The following PCLO variants were observed in gnomAD, a reference collection of about 807,000 sequenced individuals.
The protein encoded by PCLO is piccolo presynaptic cytomatrix protein.
Under a neutral mutation model 427.5 loss-of-function variants are expected in PCLO, and 82 were observed. The observed-to-expected ratio is 0.19, with a 90% confidence interval of 0.16 to 0.23. The LOEUF (loss-of-function observed/expected upper bound fraction) is 0.23, where lower values mean the gene tolerates loss of function less well. Ranked by LOEUF, PCLO falls within the 10% of genes least tolerant of loss-of-function variation. PCLO has a pLI of 1.00. For missense variants in PCLO, 6,239 were observed against 6,115.9 expected (o/e 1.02, Z -0.67); for synonymous variants, 2,357 against 2,155.4 (o/e 1.09, Z -2.59).
At chr7:83,137,575 C>T (rs749758034) in intron 2 of PCLO, among the ~76,000 whole-genome samples, 9 of 152,008 alleles carry the variant, frequency 5.9e-5, no homozygotes, top group Non-Finnish European at 1.0e-4. Flanking sequence ...GGACTATAGG[C>T]GCCCACCACC....
intron 3 of PCLO, among the ~76,000 whole-genome samples, chr7:83,025,226 G>T (rs376097836): frequency 1.3e-5 from 2 of 152,170 alleles, no homozygotes; most frequent in African/African-American, 2.4e-5. Context: ...GAAGAATGTA[G>T]AATTAGAATA....
At chr7:83,108,465 T>C (rs1790923278) in intron 3 of PCLO, among the ~76,000 whole-genome samples, 2 of 152,138 alleles carry the variant, frequency 1.3e-5, no homozygotes, top group African/African-American at 2.4e-5. Flanking sequence ...AAAAGTTCAA[T>C]TTCCCACTGT....
chr7:82,761,434 C>T lies in PCLO; in HGVS notation c.15067G>A (p.Gly5023Ser), dbSNP rs1056519956. Reference protein sequence around the residue: ...IALKKEMKTDGEQLIVEILQC... With the variant: ...IALKKEMKTDSEQLIVEILQC... ...AGAATTTCAACTATTAGTTGTTCAC[C>T]ATCTGTCTTCATTTCCTTCTTCAAT... The change falls in exon 23 of 25, where the codon GGT becomes AGT. Residue 5023 changes from glycine (G) to serine (S), a missense_variant. This residue lies in a region of PCLO where 877 missense variants were observed against 925.5 expected (regional missense o/e 0.95). Coordinates refer to ENST00000333891, the MANE Select transcript of PCLO (RefSeq NM_033026.6). The T allele has an allele frequency of 5.7e-6, 9 of 1,586,194 alleles. No individual in the cohort carries two copies. Among genetic ancestry groups the T allele is most frequent in the Non-Finnish European group, 7.8e-6 (9 of 1,160,590 alleles).
intron 4 of PCLO, among the ~76,000 whole-genome samples, chr7:82,957,882 T>C (rs912241166): frequency 1.3e-4 from 20 of 152,350 alleles, no homozygotes; most frequent in Admixed American, 1.2e-3. Context: ...CACCACAACC[T>C]TGAACTTGTT....
intron 3 of PCLO, among the ~76,000 whole-genome samples, chr7:83,079,892 G>A (rs1227413820): frequency 6.6e-6 from 1 of 151,310 alleles, no homozygotes. Flanking sequence ...CCCCCCCACA[G>A]ACCCCAATGT....
chr7:82,988,975 C>G (rs1361650479), intron 3 of PCLO, among the ~76,000 whole-genome samples: 2 of 152,054 alleles, frequency 1.3e-5, no homozygotes, highest in East Asian at 3.9e-4. Context: ...GCTGGGATTA[C>G]AGGCATGCAC....
chr7:82,912,227 G>A (rs1217622184), intron 7 of PCLO, among the ~76,000 whole-genome samples: 1 of 151,808 alleles, frequency 6.6e-6, no homozygotes, highest in African/African-American at 2.4e-5. Context: ...CTAAAAATCT[G>A]TTAAAAATTT....
intron 3 of PCLO, among the ~76,000 whole-genome samples, chr7:83,115,605 C>T (rs1396227518): frequency 6.6e-6 from 1 of 151,956 alleles, no homozygotes; most frequent in African/African-American, 2.4e-5. Context: ...TCATACCTAA[C>T]TCCATAAACA....
chr7:83,091,230 T>G (rs1436788499), intron 3 of PCLO, among the ~76,000 whole-genome samples: 1 of 152,152 alleles, frequency 6.6e-6, no homozygotes, highest in African/African-American at 2.4e-5. Flanking sequence ...GTTTATCTCT[T>G]TAATGCTAAT....
At chr7:83,102,820 T>C (rs1790767944) in intron 3 of PCLO, among the ~76,000 whole-genome samples, 2 of 151,946 alleles carry the variant, frequency 1.3e-5, no homozygotes, top group Admixed American at 1.3e-4. Context: ...TAGTTCATTA[T>C]GATTTTTCTA....
rs369627088 is a variant in PCLO at position 82,952,092 on chromosome 7, G to A, written c.8861C>T (p.Thr2954Ile). The stretch of plus-strand genomic sequence containing the variant: ...AAGAGTAGTTGCAGGCTGCTGTGCT[G>A]TGCAGCTCCTTCCAAATGGTAATTT... The part of the protein sequence containing the change: ...VYKLPFGRSC[T>I]AQQPATTLPE... Residue 2954 changes from threonine to isoleucine, a missense_variant, in exon 5 of 25, where the codon ACA (threonine) becomes ATA (isoleucine). Transcript: ENST00000333891. The A allele has an allele frequency of 6.2e-7, 1 of 1,613,858 alleles. No homozygotes were observed. Among genetic ancestry groups the A allele is most frequent in the African/African-American group, 1.3e-5 (1 of 74,912 alleles).
At chr7:82,826,374 AAATT>A (rs1791944490) in intron 18 of PCLO, among the ~76,000 whole-genome samples, 1 of 152,158 alleles carries the variant, frequency 6.6e-6, no homozygotes. Context: ...TTCATCTTAG[AAATT>A]AATTATAAAG....
intron 6 of PCLO, among the ~76,000 whole-genome samples, chr7:82,941,582 C>A (rs758113182): frequency 4.6e-5 from 7 of 152,074 alleles, no homozygotes; most frequent in African/African-American, 7.2e-5. Flanking sequence ...TGGTTTGGAT[C>A]ACAACCAAGC....
Position 82,950,643 on chromosome 7 carries a change from G to C in PCLO, c.9945C>G (p.Ile3315Met). 2 of 1,613,840 alleles carry C rather than the reference G, an allele frequency of 1.2e-6. No homozygotes were observed. The highest frequency in any genetic ancestry group is 1.6e-4 in the Middle Eastern group (1 of 6,062). The change falls in exon 6 of 25, where the codon ATC becomes ATG. Residue 3315 changes from isoleucine to methionine, a missense_variant. By Grantham distance (10) the Ile-to-Met change is conservative. Around this residue, in one of 5 missense-constraint regions of PCLO, gnomAD observed 4,677 missense variants for 4,468.4 expected, o/e 1.05. Transcript: ENST00000333891. ...QQLEEQKIRQ[I>M]YQYNYDPSGT... ...CAGAAGGGTCATAGTTATACTGGTA[G>C]ATCTGCCGAATCTTTTGCTCCTCCA...
intron 3 of PCLO, among the ~76,000 whole-genome samples, chr7:83,041,664 C>G (rs1308504463): frequency 6.6e-6 from 1 of 152,070 alleles, no homozygotes. Flanking sequence ...AAGCACAGAG[C>G]ATAAAAGTGG....
At chr7:82,978,647 T>G (rs1796077086) in intron 3 of PCLO, among the ~76,000 whole-genome samples, 1 of 152,124 alleles carries the variant, frequency 6.6e-6, no homozygotes, top group South Asian at 2.1e-4. Context: ...TACATATTCA[T>G]GTCTACATCC....
chr7:82,795,439 T>A (rs1257808264), intron 22 of PCLO, among the ~76,000 whole-genome samples: 1 of 152,190 alleles, frequency 6.6e-6, no homozygotes, highest in Non-Finnish European at 1.5e-5. Flanking sequence ...TGATTGCCTA[T>A]CATCATTAAG....
chr7:83,058,578 AAT>A (rs1789461197), intron 3 of PCLO, among the ~76,000 whole-genome samples: 1 of 152,160 alleles, frequency 6.6e-6, no homozygotes, highest in Non-Finnish European at 1.5e-5. Flanking sequence ...AATAATTGCT[AAT>A]ATTTATCAAA....
Position 82,869,523 on chromosome 7 carries a change from T to C in PCLO, c.13654+9814A>G, listed in dbSNP as rs536771065. Among the ~76,000 whole-genome samples, 8 of 152,176 alleles carry C rather than the reference T, an allele frequency of 5.3e-5. No individual in the cohort carries two copies. In the East Asian group the frequency reaches 1.4e-3, roughly 26 times the overall value. On this transcript the variant is annotated intron_variant, in intron 10 of 24. Transcript: ENST00000333891. ...ATATGCAAAACCAAAGGGTCAAGAA[T>C]TGTTCCGAGAGCATCCTGACAAACG...
Sources: gnomAD v4.1 joint callset for allele counts (sites outside exome capture counted in the v4.1 genomes callset) on GRCh38, gnomAD v4.1.1 for gene constraint, gnomAD v4.1.1 regional missense constraint, MANE v1.5 for transcripts, NCBI Gene and HGNC (gene_info 2026-07-23, HGNC 2026-07-21) for gene names.